VSNL1: variants seen among roughly 807,000 people sequenced by gnomAD.
VSNL1 encodes the protein visinin like 1, also known as visinin-like protein 1.
A neutral mutation model predicts 20.4 loss-of-function variants in VSNL1; 6 were observed. The observed-to-expected ratio is 0.29, with a 90% CI of 0.16 to 0.58. VSNL1 has a LOEUF of 0.58. Ranked by LOEUF, VSNL1 falls within the 20% of genes least tolerant of loss-of-function variation. The pLI is 0.90. For missense variants in VSNL1, 100 were observed against 234.5 expected, an observed-to-expected ratio of 0.43 and a Z score of 3.75; for synonymous variants, 93 against 86.4, an observed-to-expected ratio of 1.08 and a Z score of -0.42.
Position 17,596,502 on chromosome 2 carries a change from T to C in VSNL1, c.162+4266T>C, listed in dbSNP as rs1213370280. ...AACCCAGGGGAAGAGCAAGCAAGTG[T>C]GTAGGGAAGAAGTGTCTCCATCCCA... is the stretch of plus-strand genomic sequence containing the variant. On this transcript the variant is annotated intron_variant, in intron 2 of 3. Transcript: ENST00000295156. 3.3e-5 allele frequency among the ~76,000 whole-genome samples: 5 copies of C among 152,094 alleles called. No individual in the cohort carries two copies. The East Asian group carries it at 9.6e-4, about 29-fold the overall frequency.
At chr2:17,560,901 G>A (rs1663797841) in intron 1 of VSNL1, among the ~76,000 whole-genome samples, 1 of 152,126 alleles carries the variant, frequency 6.6e-6, no homozygotes, top group Non-Finnish European at 1.5e-5. Flanking sequence ...GGTAGAACAG[G>A]GTAAGAGCTA....
At chr2:17,553,012 TA>T (rs1188683199) in intron 1 of VSNL1, among the ~76,000 whole-genome samples, 2 of 152,072 alleles carry the variant, frequency 1.3e-5, no homozygotes. Context: ...GTCTCTCGCA[TA>T]TACAAGATCT....
intron 1 of VSNL1, among the ~76,000 whole-genome samples, chr2:17,555,203 G>C (rs893991972): frequency 6.6e-6 from 1 of 152,160 alleles, no homozygotes; most frequent in Admixed American, 6.5e-5. Flanking sequence ...ATAACACTTA[G>C]AAGATTGAGG....
At chr2:17,609,169 C>T (rs1265158270) in intron 2 of VSNL1, among the ~76,000 whole-genome samples, 2 of 152,180 alleles carry the variant, frequency 1.3e-5, no homozygotes, top group Non-Finnish European at 2.9e-5. Context: ...GCCTCGGTCT[C>T]TTTCTCTTTT....
At chr2:17,623,078 C>G (rs1481145793) in intron 2 of VSNL1, among the ~76,000 whole-genome samples, 2 of 152,112 alleles carry the variant, frequency 1.3e-5, no homozygotes, top group African/African-American at 4.8e-5. Flanking sequence ...AATCATCCAC[C>G]ACAATGAGAT....
chr2:17,599,851 TC>T (rs1408033802), intron 2 of VSNL1, among the ~76,000 whole-genome samples: 2 of 152,176 alleles, frequency 1.3e-5, no homozygotes, highest in African/African-American at 4.8e-5. Context: ...TTTTCATGCT[TC>T]CTGTGTCCTG....
chr2:17,621,571 G>A (rs1441854417), intron 2 of VSNL1, among the ~76,000 whole-genome samples: 3 of 152,194 alleles, frequency 2.0e-5, no homozygotes, highest in East Asian at 1.9e-4. Context: ...TTATCTGCCC[G>A]CCTCAGCTTC....
At chr2:17,648,141 C>A (rs1666038980) in intron 2 of VSNL1, among the ~76,000 whole-genome samples, 1 of 152,074 alleles carries the variant, frequency 6.6e-6, no homozygotes, top group African/African-American at 2.4e-5. Flanking sequence ...ATGGGTACTA[C>A]CAAAATATAA....
intron 1 of VSNL1, among the ~76,000 whole-genome samples, chr2:17,580,997 C>A (rs62132071): frequency 0.033 from 5,025 of 152,154 alleles, 88 homozygotes; most frequent in East Asian, 0.097. Context: ...ATGAACTGAC[C>A]AAACTTCCTG....
At chr2:17,594,553 C>G (rs148698962) in intron 2 of VSNL1, among the ~76,000 whole-genome samples, 2 of 152,302 alleles carry the variant, frequency 1.3e-5, no homozygotes, top group East Asian at 3.9e-4. Context: ...AAATATTCAG[C>G]AAGACACGGT....
chr2:17,571,287 A>G (rs1664076447), intron 1 of VSNL1, among the ~76,000 whole-genome samples: 1 of 152,150 alleles, frequency 6.6e-6, no homozygotes, highest in Non-Finnish European at 1.5e-5. Flanking sequence ...TAACACAACT[A>G]ATAATAATTT....
chr2:17,554,504 A>G (rs1181775903), intron 1 of VSNL1, among the ~76,000 whole-genome samples: 1 of 152,094 alleles, frequency 6.6e-6, no homozygotes, highest in Non-Finnish European at 1.5e-5. Flanking sequence ...TCTTTTTTTT[A>G]TAATTAAATG....
At chr2:17,605,232 T>C (rs766310336) in intron 2 of VSNL1, among the ~76,000 whole-genome samples, 1 of 152,230 alleles carries the variant, frequency 6.6e-6, no homozygotes, top group Non-Finnish European at 1.5e-5. Context: ...GCTGTCTGAT[T>C]ATGCAGCAAA....
At chr2:17,545,479 A>G (rs1049660562) in intron 1 of VSNL1, among the ~76,000 whole-genome samples, 1 of 152,156 alleles carries the variant, frequency 6.6e-6, no homozygotes, top group African/African-American at 2.4e-5. Flanking sequence ...ATTGATAAGT[A>G]AAAGAGGGAA....
intron 2 of VSNL1, among the ~76,000 whole-genome samples, chr2:17,631,357 T>C (rs1031898038): frequency 6.6e-6 from 1 of 152,142 alleles, no homozygotes; most frequent in Non-Finnish European, 1.5e-5. Context: ...GCAACTTGTA[T>C]ATGATTTTTC....
rs67537461 is a variant in VSNL1, at chr2:17,587,348, AACACACACACACACACACAC to A, written c.-5-4694_-5-4675del. 2.8e-4 allele frequency among the ~76,000 whole-genome samples: 38 copies of A among 134,664 alleles called. No individual in the cohort carries two copies. In the East Asian group the frequency reaches 5.0e-3, roughly 18 times the overall value. The allele number at this position is 134,664 out of a possible 152,430, so 88.3% of individuals were successfully genotyped here. Reference sequence around the variant, plus strand: ...AGTAGGTAAGAGACAGGCTGAGGGCAACACACACACACACACACACACACACACACACACACACACACACA... The same window carrying A: ...AGTAGGTAAGAGACAGGCTGAGGGCAACACACACACACACACACACACACA... On this transcript the variant is annotated intron_variant, in intron 1 of 3. Coordinates refer to ENST00000295156, the MANE Select transcript of VSNL1 (RefSeq NM_003385.5).
chr2:17,647,852 C>A (rs1401373719), intron 2 of VSNL1, among the ~76,000 whole-genome samples: 2 of 151,994 alleles, frequency 1.3e-5, no homozygotes, highest in East Asian at 3.9e-4. Context: ...GTCCATAGCA[C>A]CCAAGACGAG....
intron 3 of VSNL1, among the ~76,000 whole-genome samples, chr2:17,653,775 T>C (rs1192334533): frequency 1.3e-5 from 2 of 152,246 alleles, no homozygotes; most frequent in Non-Finnish European, 2.9e-5. Flanking sequence ...CCATGTTAAG[T>C]GTACAAATTA....
intron 2 of VSNL1, among the ~76,000 whole-genome samples, chr2:17,598,201 A>G (rs1664751531): frequency 6.6e-6 from 1 of 152,258 alleles, no homozygotes; most frequent in Admixed American, 6.5e-5. Context: ...ACGTGGAATA[A>G]AAGGCATTCT....
Sources: allele counts gnomAD v4.1 joint callset (sites outside exome capture counted in the v4.1 genomes callset), GRCh38; gene constraint gnomAD v4.1.1; transcripts MANE v1.5; gene names NCBI Gene and HGNC (gene_info 2026-07-23, HGNC 2026-07-21).